CNTNAP4: variants seen among roughly 807,000 people sequenced by gnomAD.
CNTNAP4 encodes the protein contactin associated protein family member 4.
A neutral mutation model predicts 148.4 loss-of-function variants in CNTNAP4; 98 were observed. The observed-to-expected ratio is 0.66, with a 90% confidence interval of 0.56 to 0.78. CNTNAP4 has a LOEUF of 0.78. Among genes scored for constraint, CNTNAP4 ranks in the 30% least tolerant of loss-of-function variants. The pLI is 0.00. For synonymous variants in CNTNAP4, 730 were observed against 565.1 expected, an observed-to-expected ratio of 1.29 and a Z score of -4.14; for missense variants, 1,935 against 1,565.6, an observed-to-expected ratio of 1.24 and a Z score of -3.98.
At chr16:76,423,607 C>T (rs1472596365) in intron 3 of CNTNAP4, among the ~76,000 whole-genome samples, 1 of 152,146 alleles carries the variant, frequency 6.6e-6, no homozygotes, top group Non-Finnish European at 1.5e-5. Context: ...CAAAGGAATA[C>T]ATTTGAAACT....
At chr16:76,357,742 G>A (rs567372373) in intron 3 of CNTNAP4, among the ~76,000 whole-genome samples, 1 of 152,296 alleles carries the variant, frequency 6.6e-6, no homozygotes, top group African/African-American at 2.4e-5. Context: ...CACTCTAAAA[G>A]TGACTCTCTC....
At chr16:76,445,405 T>A (rs1023967746) in intron 4 of CNTNAP4, among the ~76,000 whole-genome samples, 1 of 152,140 alleles carries the variant, frequency 6.6e-6, no homozygotes, top group African/African-American at 2.4e-5. Context: ...TTTTTTTAAA[T>A]CCCAGAATCT....
chr16:76,367,718 T>G (rs1248150085), intron 3 of CNTNAP4, among the ~76,000 whole-genome samples: 1 of 152,182 alleles, frequency 6.6e-6, no homozygotes, highest in Non-Finnish European at 1.5e-5. Flanking sequence ...TGTCACTGGC[T>G]TGGTGGGTGT....
At chr16:76,279,938 A>C (rs1432308155) in intron 1 of CNTNAP4, among the ~76,000 whole-genome samples, 3 of 152,156 alleles carry the variant, frequency 2.0e-5, no homozygotes, top group Non-Finnish European at 2.9e-5. Flanking sequence ...CCTTTTTGGA[A>C]GGACAAGTGT....
At chr16:76,514,614 G>C (rs1456774446) in intron 15 of CNTNAP4, among the ~76,000 whole-genome samples, 1 of 152,100 alleles carries the variant, frequency 6.6e-6, no homozygotes. Flanking sequence ...AAACATCTAT[G>C]AACAGCTTTG....
At chr16:76,354,412 G>A (rs1597294873) in intron 2 of CNTNAP4, among the ~76,000 whole-genome samples, 1 of 152,044 alleles carries the variant, frequency 6.6e-6, no homozygotes, top group African/African-American at 2.4e-5. Flanking sequence ...ATCACAACTT[G>A]TATTCTTTAC....
intron 1 of CNTNAP4, among the ~76,000 whole-genome samples, chr16:76,296,234 A>T (rs933444020): frequency 5.3e-5 from 8 of 152,222 alleles, no homozygotes; most frequent in Admixed American, 4.6e-4. Context: ...ATAAGAATTT[A>T]TCCTGAATTG....
Position 76,375,535 on chromosome 16 carries a change from G to A in CNTNAP4, c.390+20024G>A, listed in dbSNP as rs575310866. Among the ~76,000 whole-genome samples the A allele has an allele frequency of 4.6e-5, 7 of 152,278 alleles. No homozygotes were observed. The South Asian group carries it at 1.4e-3, about 32-fold the overall frequency. ...GTAGGAAAGCTGTGCGACTTTTCAC[G>A]TTCTAGCACACAGTAGAACAAGGTT... On this transcript the variant is annotated intron_variant, in intron 3 of 23. Transcript: ENST00000611870.
At chr16:76,485,923 C>T (rs566206425) in intron 12 of CNTNAP4, among the ~76,000 whole-genome samples, 13 of 152,286 alleles carry the variant, frequency 8.5e-5, no homozygotes, top group African/African-American at 3.1e-4. Context: ...ACAGCACTTC[C>T]TACCTGCTCT....
rs2143616385 is a variant in CNTNAP4, at chr16:76,475,967, G to A, written c.1684G>A (p.Gly562Arg). 1 of 1,613,768 alleles carries A rather than the reference G, an allele frequency of 6.2e-7. No homozygotes were observed. Among genetic ancestry groups the A allele is most frequent in the Non-Finnish European group, 8.5e-7 (1 of 1,179,676 alleles). ...RCLPNYCEHG[G>R]ECSQSWSTFH... ...TTTGCCCAACTATTGTGAACACGGT[G>A]GGGAGTGTTCCCAGTCCTGGAGCAC... Residue 562 changes from glycine to arginine, a missense_variant, in exon 11 of 24, where the codon GGG (glycine) becomes AGG (arginine). Gly to Arg is a moderately radical substitution (Grantham distance 125). Transcript: ENST00000611870.
intron 3 of CNTNAP4, among the ~76,000 whole-genome samples, chr16:76,368,281 T>C (rs1648081378): frequency 6.6e-6 from 1 of 152,224 alleles, no homozygotes; most frequent in African/African-American, 2.4e-5. Flanking sequence ...ATTTTCTTAA[T>C]ATCCAAATCT....
Position 76,558,932 on chromosome 16 carries a change from A to G in CNTNAP4, c.*249A>G, listed in dbSNP as rs1028108857. On this transcript the variant is annotated 3_prime_UTR_variant, in exon 24 of 24. Coordinates refer to ENST00000611870, the MANE Select transcript of CNTNAP4 (RefSeq NM_033401.5). ...TTCAACTGTTCTGGTATGATCTAAA[A>G]CAAGTTTAACCTGCTTAATGGCTAC... 1.0e-5 allele frequency: 3 copies of G among 298,084 alleles called. No homozygotes were observed. Among genetic ancestry groups the G allele is most frequent in the East Asian group, 5.7e-5 (1 of 17,562 alleles). The allele number at this position is 298,084 out of a possible 1,614,324, so 18.5% of individuals were successfully genotyped here.
At chr16:76,555,538 A>G (rs550985104) in intron 23 of CNTNAP4, among the ~76,000 whole-genome samples, 5 of 152,328 alleles carry the variant, frequency 3.3e-5, no homozygotes, top group Admixed American at 1.3e-4. Context: ...TTTTCCAGAC[A>G]TTCAACCAGG....
At chr16:76,422,753 T>C (rs1368715954) in intron 3 of CNTNAP4, among the ~76,000 whole-genome samples, 1 of 152,170 alleles carries the variant, frequency 6.6e-6, no homozygotes, top group East Asian at 1.9e-4. Flanking sequence ...AAATAACTAC[T>C]TCACAGAGTT....
chr16:76,408,087 A>G (rs1378644001), intron 3 of CNTNAP4, among the ~76,000 whole-genome samples: 1 of 152,122 alleles, frequency 6.6e-6, no homozygotes, highest in Non-Finnish European at 1.5e-5. Context: ...GTATTTTAAA[A>G]TTAAGGCATA....
chr16:76,363,794 G>A (rs567127972), intron 3 of CNTNAP4, among the ~76,000 whole-genome samples: 4 of 152,198 alleles, frequency 2.6e-5, no homozygotes, highest in Middle Eastern at 6.8e-3. Flanking sequence ...TCAATCACAA[G>A]TCAACACAGT....
intron 9 of CNTNAP4, among the ~76,000 whole-genome samples, chr16:76,464,654 T>C (rs2081114117): frequency 6.6e-6 from 1 of 152,236 alleles, no homozygotes; most frequent in Non-Finnish European, 1.5e-5. Context: ...TTATTTTATC[T>C]GGGCTGTTCC....
chr16:76,443,066 G>A (rs1049561912), intron 4 of CNTNAP4, among the ~76,000 whole-genome samples: 3 of 152,106 alleles, frequency 2.0e-5, no homozygotes, highest in Non-Finnish European at 2.9e-5. Context: ...TAGTGAGCCA[G>A]TGTATGACAG....
At chr16:76,352,315 C>G (rs534594524) in intron 2 of CNTNAP4, among the ~76,000 whole-genome samples, 1 of 152,128 alleles carries the variant, frequency 6.6e-6, no homozygotes, top group South Asian at 2.1e-4. Context: ...CATCCACACG[C>G]CATGTCCATC....
Sources: allele counts gnomAD v4.1 joint callset (sites outside exome capture counted in the v4.1 genomes callset), GRCh38; gene constraint gnomAD v4.1.1; transcripts MANE v1.5; gene names NCBI Gene and HGNC (gene_info 2026-07-23, HGNC 2026-07-21).